The following GRM7 variants were observed in gnomAD, a reference collection of about 807,000 sequenced individuals.
GRM7 encodes the protein glutamate metabotropic receptor 7, also known as metabotropic glutamate receptor 7.
A neutral mutation model predicts 84.5 loss-of-function variants in GRM7; 35 were observed. The observed-to-expected ratio is 0.41, with a 90% CI of 0.32 to 0.55. GRM7 has a LOEUF of 0.55. GRM7 is among the 20% of genes least tolerant of loss of function. The pLI is 0.19. For synonymous variants in GRM7, 487 were observed against 455.1 expected (o/e 1.07, Z -0.89); for missense variants, 1,003 against 1,194.6 (o/e 0.84, Z 2.36).
chr3:7,729,341 T>C (rs1365008677), intron 9 of GRM7, among the ~76,000 whole-genome samples: 2 of 152,214 alleles, frequency 1.3e-5, no homozygotes, highest in Non-Finnish European at 2.9e-5. Flanking sequence ...TTAACACCTG[T>C]ACTTTTGGTT....
intron 1 of GRM7, among the ~76,000 whole-genome samples, chr3:7,054,254 GAT>G (rs1491386354): frequency 6.8e-6 from 1 of 148,110 alleles, no homozygotes; most frequent in South Asian, 2.1e-4. Context: ...TATCTTTTAT[GAT>G]ATATATGATA....
chr3:7,556,208 A>G (rs1693749204), intron 7 of GRM7, among the ~76,000 whole-genome samples: 1 of 152,134 alleles, frequency 6.6e-6, no homozygotes, highest in Non-Finnish European at 1.5e-5. Context: ...GCCTTTTGTA[A>G]TAAGGGCAGT....
intron 4 of GRM7, among the ~76,000 whole-genome samples, chr3:7,405,679 C>G (rs1695644713): frequency 6.6e-6 from 1 of 152,064 alleles, no homozygotes; most frequent in East Asian, 1.9e-4. Context: ...TTGCAAAAGA[C>G]TGAATATTCT....
chr3:7,162,646 T>G (rs1694660471), intron 2 of GRM7, among the ~76,000 whole-genome samples: 1 of 149,722 alleles, frequency 6.7e-6, no homozygotes, highest in Non-Finnish European at 1.5e-5. Flanking sequence ...AATAGAACTG[T>G]CAGGTGTGAG....
chr3:7,399,609 G>A (rs1695362081), intron 4 of GRM7, among the ~76,000 whole-genome samples: 2 of 152,184 alleles, frequency 1.3e-5, no homozygotes, highest in African/African-American at 4.8e-5. Context: ...CGGAGATGGG[G>A]CCTAATGGGA....
At chr3:7,378,223 AAG>A (rs1441040423) in intron 4 of GRM7, among the ~76,000 whole-genome samples, 14 of 152,188 alleles carry the variant, frequency 9.2e-5, no homozygotes, top group Non-Finnish European at 1.8e-4. Flanking sequence ...GTCCTCAAAG[AAG>A]AAGTTGTAGG....
rs142456423 is a variant in GRM7 at position 7,295,381 on chromosome 3, T to C, written c.737-3303T>C. Among the ~76,000 whole-genome samples, 8 of 152,336 alleles carry C rather than the reference T, an allele frequency of 5.3e-5. No homozygotes were observed. The East Asian group carries it at 1.4e-3, about 26-fold the overall frequency. ...ATACTTTTTACCAGCATTACACTGC[T>C]TAATTCCTGTAGCTTGAAAGTAAGT... On this transcript the variant is annotated intron_variant, in intron 2 of 9. Transcript: ENST00000357716.
At chr3:7,033,000 G>C (rs1468757908) in intron 1 of GRM7, among the ~76,000 whole-genome samples, 1 of 152,140 alleles carries the variant, frequency 6.6e-6, no homozygotes, top group Non-Finnish European at 1.5e-5. Flanking sequence ...AGTTCTTGAG[G>C]CTGGAAGTCT....
intron 4 of GRM7, among the ~76,000 whole-genome samples, chr3:7,340,958 G>T (rs1200182412): frequency 6.6e-6 from 1 of 152,112 alleles, no homozygotes; most frequent in Non-Finnish European, 1.5e-5. Flanking sequence ...CCTGGCACCT[G>T]CAGAGAGACA....
intron 1 of GRM7, among the ~76,000 whole-genome samples, chr3:6,949,657 A>G (rs1039855791): frequency 3.3e-5 from 5 of 151,890 alleles, no homozygotes; most frequent in Admixed American, 3.3e-4. Context: ...GTGTTTTCCA[A>G]CTTGGTTCCA....
chr3:7,154,104 C>A (rs901412024), intron 2 of GRM7, among the ~76,000 whole-genome samples: 7 of 152,144 alleles, frequency 4.6e-5, no homozygotes, highest in African/African-American at 1.7e-4. Context: ...TTGTGTGAAT[C>A]TTGAATTAAT....
At chr3:7,339,894 G>A (rs1701572008) in intron 4 of GRM7, among the ~76,000 whole-genome samples, 1 of 152,088 alleles carries the variant, frequency 6.6e-6, no homozygotes, top group Non-Finnish European at 1.5e-5. Context: ...TTAGAGAGCA[G>A]AAGAAGAAAA....
At chr3:7,362,810 C>T (rs1396861913) in intron 4 of GRM7, among the ~76,000 whole-genome samples, 1 of 152,048 alleles carries the variant, frequency 6.6e-6, no homozygotes, top group African/African-American at 2.4e-5. Flanking sequence ...CACTTCATTC[C>T]AAGTTTTAGT....
At chr3:7,496,510 G>A (rs537365946) in intron 7 of GRM7, among the ~76,000 whole-genome samples, 8 of 152,176 alleles carry the variant, frequency 5.3e-5, no homozygotes, top group Non-Finnish European at 7.4e-5. Flanking sequence ...AGACTGAAGA[G>A]GCATTACATC....
Position 7,680,131 on chromosome 3 carries a change from T to C in GRM7, c.2534T>C (p.Val845Ala), listed in dbSNP as rs1333727808. The C allele has an allele frequency of 1.2e-6, 2 of 1,614,106 alleles. No individual in the cohort carries two copies. The highest frequency in any genetic ancestry group is 4.5e-5 in the East Asian group (2 of 44,860). ...VALGMLYMPKVYIIIFHPELN... is the reference protein window; with the variant it reads ...VALGMLYMPKAYIIIFHPELN... Reference sequence around the variant, plus strand: ...CTGGGGATGCTATACATGCCGAAAGTGTACATCATCATTTTCCACCCTGAA... The same window carrying C: ...CTGGGGATGCTATACATGCCGAAAGCGTACATCATCATTTTCCACCCTGAA... Residue 845 changes from valine (V) to alanine (A), a missense_variant, in exon 9 of 10, where the codon GTG becomes GCG. Physicochemically the swap from Val to Ala is moderately conservative, Grantham distance 64. Coordinates refer to ENST00000357716, the MANE Select transcript of GRM7 (RefSeq NM_000844.4).
At chr3:7,094,243 A>T (rs75301929) in intron 1 of GRM7, among the ~76,000 whole-genome samples, 1,566 of 152,316 alleles carry the variant, frequency 0.01, 22 homozygotes, top group African/African-American at 0.035. Context: ...CCACAATTTT[A>T]TAAAAATAAA....
intron 1 of GRM7, among the ~76,000 whole-genome samples, chr3:7,108,100 T>G (rs2125030106): frequency 6.6e-6 from 1 of 152,184 alleles, no homozygotes; most frequent in African/African-American, 2.4e-5. Context: ...ATTATGCCAT[T>G]TTTAGTGAAA....
At chr3:7,183,819 C>A (rs190825789) in intron 2 of GRM7, among the ~76,000 whole-genome samples, 2 of 152,188 alleles carry the variant, frequency 1.3e-5, no homozygotes, top group African/African-American at 4.8e-5. Context: ...CATGCACACA[C>A]ACACAGTATT....
At chr3:7,030,523 C>T (rs373054679) in intron 1 of GRM7, among the ~76,000 whole-genome samples, 7 of 152,172 alleles carry the variant, frequency 4.6e-5, no homozygotes, top group African/African-American at 1.7e-4. Context: ...AAATAGTAAA[C>T]TGACACAGTA....
Sources: allele counts gnomAD v4.1 joint callset (sites outside exome capture counted in the v4.1 genomes callset), GRCh38; gene constraint gnomAD v4.1.1; transcripts MANE v1.5; gene names NCBI Gene and HGNC (gene_info 2026-07-23, HGNC 2026-07-21).